The following FARP1 variants were observed in gnomAD, a reference collection of about 807,000 sequenced individuals.
The protein encoded by FARP1 is FERM, ARHGEF and pleckstrin domain-containing protein 1.
In FARP1, 52 loss-of-function variants were observed where a neutral mutation model predicts 128.8. The ratio of observed to expected loss-of-function variants is 0.40; its 90% CI spans 0.32 to 0.51. The LOEUF (loss-of-function observed/expected upper bound fraction) is 0.51. FARP1 is among the 20% of genes least tolerant of loss of function. The pLI, the probability that FARP1 is intolerant of heterozygous loss-of-function variation, is 0.45. For missense variants in FARP1, 1,333 were observed against 1,367.9 expected (o/e 0.97, Z 0.40); for synonymous variants, 580 against 551.8 (o/e 1.05, Z -0.72).
At position 98,417,455 on chromosome 13, in the gene FARP1, G is replaced by GGGAAAAAAA. The variant is rs1491453247; in HGVS notation, c.1826+5421_1826+5422insGGAAAAAAA. Among the ~76,000 whole-genome samples the GGGAAAAAAA allele has an allele frequency of 2.2e-3, 131 of 58,480 alleles. 4 individuals are homozygous for GGGAAAAAAA. The highest frequency in any genetic ancestry group is 5.0e-3 in the African/African-American group (87 of 17,468). The allele number at this position is 58,480 out of a possible 152,430, so 38.4% of individuals were successfully genotyped here. A position where few individuals can be genotyped will look rare whatever the true frequency, so the allele number is the denominator to read the frequency against. ...AGGAAACAGAGGCCACCAGAGGTTT[G>GGGAAAAAAA]AAAAAAAAAAAAAAAAAAAAAAAAA... On this transcript the variant is annotated intron_variant, in intron 16 of 26. Coordinates refer to ENST00000319562, the MANE Select transcript of FARP1 (RefSeq NM_005766.4).
chr13:98,381,442 TAG>T (rs1889884373), intron 6 of FARP1: 1 of 152,362 alleles, frequency 6.6e-6, no homozygotes, highest in African/African-American at 2.4e-5. Context: ...CTTGAATGCA[TAG>T]AGTCTTTAAG....
chr13:98,153,686 C>T (rs1229568929), intron 1 of FARP1, among the ~76,000 whole-genome samples: 2 of 150,034 alleles, frequency 1.3e-5, no homozygotes, highest in Non-Finnish European at 3.0e-5. Context: ...GCCTCAGCCT[C>T]TCGAGTAGCT....
chr13:98,432,717 C>T (rs1374115075), intron 18 of FARP1: 2 of 152,104 alleles, frequency 1.3e-5, no homozygotes, highest in Non-Finnish European at 2.9e-5. Context: ...AATCGGAAGT[C>T]TTCATGACCT....
intron 1 of FARP1, among the ~76,000 whole-genome samples, chr13:98,186,991 CAAAA>C (rs33992037): frequency 1.5e-3 from 70 of 47,818 alleles, no homozygotes; most frequent in Admixed American, 4.6e-3. Flanking sequence ...GATTCTGTCT[CAAAA>C]AAAAAAAAAA....
In FARP1 at chr13:98,435,655, C is replaced by A. The variant is rs371580299; in HGVS notation, c.2223C>A (p.His741Gln). ...MIKMENFQKL[H>Q]ELKKDLIGID... ...AGATGGAGAATTTCCAGAAGCTGCA[C>A]GAACTCAAGAAAGATTTGATTGGCA... The change falls in exon 19 of 27, where the codon CAC becomes CAA. Residue 741 changes from histidine to glutamine, a missense_variant. Physicochemically the swap from His to Gln is conservative, Grantham distance 24 (BLOSUM62 0). Coordinates refer to ENST00000319562, the MANE Select transcript of FARP1 (RefSeq NM_005766.4). The A allele has an allele frequency of 1.9e-6, 3 of 1,613,916 alleles. No individual in the cohort carries two copies. In the African/African-American group the frequency reaches 4.0e-5, roughly 22 times the overall value.
At chr13:98,380,421 TG>T (rs1372093547) in intron 6 of FARP1, among the ~76,000 whole-genome samples, 1 of 147,868 alleles carries the variant, frequency 6.8e-6, no homozygotes, top group Non-Finnish European at 1.5e-5. Context: ...AGTGAGACTC[TG>T]TCTAAAAAAA....
At chr13:98,147,213 C>T (rs1875633311) in intron 1 of FARP1, among the ~76,000 whole-genome samples, 1 of 152,196 alleles carries the variant, frequency 6.6e-6, no homozygotes, top group Non-Finnish European at 1.5e-5. Context: ...ATAATGGATA[C>T]ATTACTAAAA....
chr13:98,415,028 C>T (rs1167385816), intron 16 of FARP1, among the ~76,000 whole-genome samples: 7 of 152,186 alleles, frequency 4.6e-5, no homozygotes, highest in Admixed American at 2.0e-4. Context: ...CTAAGTGCAG[C>T]GTGGCAGTGA....
chr13:98,439,081 C>T (rs770786415), intron 20 of FARP1, 26 bp from the exon 21 acceptor site: 14 of 1,595,674 alleles, frequency 8.8e-6, no homozygotes, highest in Admixed American at 3.3e-5. Flanking sequence ...CGTGGTCTCA[C>T]CTCCACACAC....
In FARP1 at chr13:98,388,471, A is replaced by T. The variant is rs938351955; in HGVS notation, c.848A>T (p.Asp283Val). ...CGCTTTCTCATCAAGCTCCGGCCAG[A>T]TGCCAATGTAAGTGGTCCTGGCGGG... is the stretch of plus-strand genomic sequence containing the variant. ...RKRFLIKLRP[D>V]ANSAYQDTLE... The change falls in exon 9 of 27, where the codon GAT (aspartate) becomes GTT (valine). Residue 283 changes from aspartate (D) to valine (V), a missense_variant. Physicochemically the swap from Asp to Val is radical, Grantham distance 152. This residue lies in a region of FARP1 where 324 missense variants were observed against 398.1 expected (regional missense o/e 0.81). Coordinates refer to ENST00000319562, the MANE Select transcript of FARP1 (RefSeq NM_005766.4). The T allele has an allele frequency of 3.1e-6, 5 of 1,613,068 alleles. No homozygotes were observed. The African/African-American group carries it at 6.7e-5, about 22-fold the overall frequency.
In FARP1 at chr13:98,328,740, C is replaced by T. The variant is rs151112769; in HGVS notation, c.172-15022C>T. On this transcript the variant is annotated intron_variant, in intron 2 of 26. Coordinates refer to ENST00000319562, the MANE Select transcript of FARP1 (RefSeq NM_005766.4). ...ATTCAGGGAGACTTGAACACAAGCA[C>T]TGCTTATCTCGAAAGCTGATCTGCT... 9.9e-4 allele frequency: 151 copies of T among 152,366 alleles called. 1 individual carries two copies. The highest frequency in any genetic ancestry group is 3.1e-3 in the African/African-American group (130 of 41,588). 9.4% of individuals were successfully genotyped at this position (152,366 alleles called of 1,614,324 possible).
At chr13:98,316,019 T>C (rs1378712530) in intron 2 of FARP1, among the ~76,000 whole-genome samples, 1 of 152,182 alleles carries the variant, frequency 6.6e-6, no homozygotes, top group Non-Finnish European at 1.5e-5. Flanking sequence ...GCTTATGTCA[T>C]GGACCCGGGG....
intron 18 of FARP1, chr13:98,433,399 C>T (rs1055025992): frequency 3.3e-5 from 5 of 152,200 alleles, no homozygotes; most frequent in African/African-American, 1.2e-4. Flanking sequence ...ACAGGTGCCT[C>T]CTGACATGGT....
At chr13:98,258,399 A>G (rs1372269540) in intron 2 of FARP1, among the ~76,000 whole-genome samples, 1 of 152,220 alleles carries the variant, frequency 6.6e-6, no homozygotes, top group Non-Finnish European at 1.5e-5. Flanking sequence ...AGTTTATGCA[A>G]TCACTGCCTG....
intron 1 of FARP1, among the ~76,000 whole-genome samples, chr13:98,144,785 G>T (rs1875393294): frequency 6.6e-6 from 1 of 152,152 alleles, no homozygotes; most frequent in Admixed American, 6.5e-5. Flanking sequence ...TTAAAAATTG[G>T]CTTCGTTGTT....
At chr13:98,446,517 A>C (rs1892845773) in intron 25 of FARP1, 149 bp from the exon 26 acceptor site, 2 of 786,028 alleles carry the variant, frequency 2.5e-6, no homozygotes, top group Non-Finnish European at 4.1e-6. Flanking sequence ...ACGTACAGGC[A>C]AACACTGGCT....
In FARP1 at chr13:98,209,472, A is replaced by ATTT. The variant is rs534634730; in HGVS notation, c.-23-3726_-23-3724dup. 5.8e-4 allele frequency among the ~76,000 whole-genome samples: 62 copies of ATTT among 106,436 alleles called. 1 individual carries two copies. The highest frequency in any genetic ancestry group is 2.1e-3 in the African/African-American group (53 of 25,660). The allele number at this position is 106,436 out of a possible 152,430, so 69.8% of individuals were successfully genotyped here. On this transcript the variant is annotated intron_variant, in intron 1 of 26. Coordinates refer to ENST00000319562, the MANE Select transcript of FARP1 (RefSeq NM_005766.4). ...GAGACAGACTATCTGGGGAGGAAAG[A>ATTT]TTTTTTTTTTTTTTTTTTTTTTTTA...
intron 16 of FARP1, among the ~76,000 whole-genome samples, chr13:98,413,606 G>T (rs758387160): frequency 3.3e-5 from 5 of 152,200 alleles, no homozygotes; most frequent in Non-Finnish European, 7.3e-5. Flanking sequence ...GCTGCAGTGA[G>T]CTATGACTGT....
chr13:98,221,654 A>T (rs1309257643), intron 2 of FARP1, among the ~76,000 whole-genome samples: 2 of 152,172 alleles, frequency 1.3e-5, no homozygotes, highest in Non-Finnish European at 2.9e-5. Flanking sequence ...TTTTACGTGC[A>T]TTTTTGCTTT....
Sources: allele counts gnomAD v4.1 joint callset (sites outside exome capture counted in the v4.1 genomes callset), GRCh38; gene constraint gnomAD v4.1.1; regional missense constraint gnomAD v4.1.1; transcripts MANE v1.5; gene names NCBI Gene and HGNC (gene_info 2026-07-23, HGNC 2026-07-21).